CFAP299: variants seen among roughly 807,000 people sequenced by gnomAD.
CFAP299 encodes the protein cilia and flagella associated protein 299, also known as cilia- and flagella-associated protein 299.
Under a neutral mutation model 27.0 loss-of-function variants are expected in CFAP299, and 21 were observed. The observed-to-expected ratio is 0.78, with a 90% CI of 0.55 to 1.12. The LOEUF (loss-of-function observed/expected upper bound fraction) is 1.12. Ranked by LOEUF, CFAP299 falls within the 50% of genes most tolerant of loss-of-function variation. The pLI, the probability that CFAP299 is intolerant of heterozygous loss-of-function variation, is 0.00. For missense variants in CFAP299, 310 were observed against 276.6 expected, an observed-to-expected ratio of 1.12 and a Z score of -0.86; for synonymous variants, 104 against 98.1, an observed-to-expected ratio of 1.06 and a Z score of -0.36.
chr4:80,772,726 C>T (rs1339914822), intron 3 of CFAP299, among the ~76,000 whole-genome samples: 2 of 151,844 alleles, frequency 1.3e-5, no homozygotes, highest in African/African-American at 2.4e-5. Flanking sequence ...CCTCCGCCTC[C>T]CAAAAGGCCC....
intron 3 of CFAP299, among the ~76,000 whole-genome samples, chr4:80,593,037 A>G (rs1009684715): frequency 5.3e-5 from 8 of 152,218 alleles, no homozygotes; most frequent in African/African-American, 1.9e-4. Context: ...ACGGAACACA[A>G]GTGAGCCTTC....
chr4:80,823,561 C>T (rs895439297), intron 3 of CFAP299, among the ~76,000 whole-genome samples: 1 of 152,072 alleles, frequency 6.6e-6, no homozygotes, highest in Non-Finnish European at 1.5e-5. Flanking sequence ...GTCTTTCATC[C>T]AGTAGCTGAA....
chr4:80,644,953 C>A (rs946641137), intron 3 of CFAP299, among the ~76,000 whole-genome samples: 1 of 152,010 alleles, frequency 6.6e-6, no homozygotes, highest in African/African-American at 2.4e-5. Flanking sequence ...TTAATCATAC[C>A]CGCCTTCTTG....
chr4:80,366,027 G>T (rs921075616), intron 2 of CFAP299, among the ~76,000 whole-genome samples: 4 of 152,190 alleles, frequency 2.6e-5, no homozygotes, highest in Admixed American at 2.0e-4. Flanking sequence ...CTTTGTAATG[G>T]GATGGGTACC....
At chr4:80,508,846 C>T (rs542950363) in intron 2 of CFAP299, among the ~76,000 whole-genome samples, 30 of 152,318 alleles carry the variant, frequency 2.0e-4, no homozygotes, top group Non-Finnish European at 4.3e-4. Flanking sequence ...GCATGAGCCA[C>T]ACCACCCAGC....
intron 2 of CFAP299, among the ~76,000 whole-genome samples, chr4:80,579,548 C>A (rs1349939175): frequency 2.0e-5 from 3 of 152,042 alleles, no homozygotes; most frequent in African/African-American, 7.2e-5. Context: ...CGGCCATTAG[C>A]AAGAGAGTCA....
chr4:80,343,594 C>T (rs1160995267), intron 1 of CFAP299, among the ~76,000 whole-genome samples: 2 of 151,928 alleles, frequency 1.3e-5, no homozygotes, highest in Non-Finnish European at 2.9e-5. Context: ...TCGAGACCAT[C>T]CTGGCTAACA....
intron 2 of CFAP299, among the ~76,000 whole-genome samples, chr4:80,537,351 G>A (rs1733793538): frequency 6.6e-6 from 1 of 151,994 alleles, no homozygotes; most frequent in Admixed American, 6.6e-5. Flanking sequence ...ATGTCCAAAG[G>A]AAATGATATC....
At chr4:80,822,804 T>C (rs1473077035) in intron 3 of CFAP299, among the ~76,000 whole-genome samples, 3 of 152,220 alleles carry the variant, frequency 2.0e-5, no homozygotes, top group African/African-American at 7.2e-5. Context: ...TTATCAATGA[T>C]ACAGTAATCT....
At chr4:80,357,687 CCT>C (rs1300551953) in intron 1 of CFAP299, among the ~76,000 whole-genome samples, 1 of 152,018 alleles carries the variant, frequency 6.6e-6, no homozygotes, top group Non-Finnish European at 1.5e-5. Flanking sequence ...GTTTTATCCC[CCT>C]GTTGTTTCTG....
chr4:80,711,480 C>G (rs1442579613), intron 3 of CFAP299, among the ~76,000 whole-genome samples: 1 of 152,198 alleles, frequency 6.6e-6, no homozygotes, highest in Non-Finnish European at 1.5e-5. Context: ...CACCCCTCCC[C>G]TCGGACCTCA....
Position 80,540,149 on chromosome 4 carries a change from G to A in CFAP299, c.243-42944G>A, listed in dbSNP as rs577729086. Among the ~76,000 whole-genome samples the A allele has an allele frequency of 2.4e-4, 36 of 152,304 alleles. No homozygotes were observed. In the East Asian group the frequency reaches 3.9e-3, roughly 16 times the overall value. Reference sequence around the variant, plus strand: ...GTCTAGCTTTCTGGCCTTCTTGGAAGTTTTGTGAACTCCTTAAGGTGTTTC... The same window carrying A: ...GTCTAGCTTTCTGGCCTTCTTGGAAATTTTGTGAACTCCTTAAGGTGTTTC... On this transcript the variant is annotated intron_variant, in intron 2 of 5. Coordinates refer to ENST00000358105, the MANE Select transcript of CFAP299 (RefSeq NM_152770.3).
chr4:80,539,308 A>C (rs1733891791), intron 2 of CFAP299, among the ~76,000 whole-genome samples: 1 of 152,224 alleles, frequency 6.6e-6, no homozygotes, highest in Admixed American at 6.5e-5. Flanking sequence ...TTAATTGCTT[A>C]CATTTCCCAG....
intron 2 of CFAP299, among the ~76,000 whole-genome samples, chr4:80,399,345 A>C (rs918421251): frequency 6.6e-6 from 1 of 152,324 alleles, no homozygotes; most frequent in South Asian, 2.1e-4. Context: ...TACTGGGTAT[A>C]TACCCAAAGG....
Position 80,732,428 on chromosome 4 carries a change from A to G in CFAP299, c.334-137565A>G, listed in dbSNP as rs537081584. ...AACACAAAAGATAGTGCTGTCTCATACAAGGGTTAGGTAGAAAATGTATCT... is the reference window on the plus strand; with the variant it reads ...AACACAAAAGATAGTGCTGTCTCATGCAAGGGTTAGGTAGAAAATGTATCT... On this transcript the variant is annotated intron_variant, in intron 3 of 5. Coordinates refer to ENST00000358105, the MANE Select transcript of CFAP299 (RefSeq NM_152770.3). 2.4e-3 allele frequency among the ~76,000 whole-genome samples: 366 copies of G among 152,310 alleles called. 3 individuals are homozygous for G. The highest frequency in any genetic ancestry group is 0.013 in the South Asian group (63 of 4,832).
chr4:80,531,358 T>C (rs1004236630), intron 2 of CFAP299, among the ~76,000 whole-genome samples: 2 of 152,218 alleles, frequency 1.3e-5, no homozygotes, highest in Non-Finnish European at 2.9e-5. Flanking sequence ...GTATAGTGCA[T>C]AATTTTAAGT....
intron 4 of CFAP299, among the ~76,000 whole-genome samples, chr4:80,916,413 T>C (rs899007409): frequency 4.0e-5 from 6 of 151,438 alleles, no homozygotes; most frequent in Admixed American, 4.0e-4. Context: ...CTTTGAAGAA[T>C]TATGCCCTTT....
intron 3 of CFAP299, among the ~76,000 whole-genome samples, chr4:80,787,722 A>G (rs539215200): frequency 6.6e-6 from 1 of 152,166 alleles, no homozygotes; most frequent in South Asian, 2.1e-4. Flanking sequence ...TATTTAAGGC[A>G]TATGGGTAGA....
chr4:80,896,588 T>C (rs778964089), intron 4 of CFAP299, among the ~76,000 whole-genome samples: 1 of 152,044 alleles, frequency 6.6e-6, no homozygotes, highest in Non-Finnish European at 1.5e-5. Flanking sequence ...AAAAAGAAGA[T>C]AAATGGAGTA....
Sources: gnomAD v4.1 joint callset for allele counts (sites outside exome capture counted in the v4.1 genomes callset) on GRCh38, gnomAD v4.1.1 for gene constraint, MANE v1.5 for transcripts, NCBI Gene and HGNC (gene_info 2026-07-23, HGNC 2026-07-21) for gene names.